RFTN1: variants seen among roughly 807,000 people sequenced by gnomAD.
The protein encoded by RFTN1 is raftlin, lipid raft linker 1, also known as raftlin.
Under a neutral mutation model 46.5 loss-of-function variants are expected in RFTN1, and 26 were observed. That is an observed-to-expected ratio of 0.56 (90% confidence interval 0.41 to 0.78). The LOEUF (loss-of-function observed/expected upper bound fraction) is 0.78. RFTN1 is among the 30% of genes least tolerant of loss of function. The pLI, the probability that RFTN1 is intolerant of heterozygous loss-of-function variation, is 0.00. For synonymous variants in RFTN1, 261 were observed against 284.2 expected (o/e 0.92, Z 0.82); for missense variants, 693 against 718.7 (o/e 0.96, Z 0.41).
At chr3:16,502,454 G>A (rs926338932) in intron 1 of RFTN1, among the ~76,000 whole-genome samples, 6 of 152,024 alleles carry the variant, frequency 3.9e-5, no homozygotes, top group Non-Finnish European at 8.8e-5. Flanking sequence ...CCTCCAGGAC[G>A]ACCCTCAGTG....
At chr3:16,493,231 G>A (rs549402474) in intron 2 of RFTN1, among the ~76,000 whole-genome samples, 2 of 129,446 alleles carry the variant, frequency 1.5e-5, no homozygotes, top group African/African-American at 5.8e-5. Context: ...ACTGTAATTC[G>A]TTGCTTTTTT....
chr3:16,391,865 T>G (rs1289752572), intron 4 of RFTN1, among the ~76,000 whole-genome samples: 1 of 21,232 alleles, frequency 4.7e-5, no homozygotes, highest in Non-Finnish European at 1.2e-4. Flanking sequence ...AAGGTTTTTT[T>G]TTTGTTTTTT....
At position 16,337,756 on chromosome 3, in the gene RFTN1, AAG is replaced by A. The variant is rs1415969558; in HGVS notation, c.1147-10882_1147-10881del. Among the ~76,000 whole-genome samples the A allele has an allele frequency of 1.4e-5, 2 of 147,734 alleles. No individual in the cohort carries two copies. Among genetic ancestry groups the A allele is most frequent in the African/African-American group, 5.1e-5 (2 of 39,192 alleles). On this transcript the variant is annotated intron_variant, in intron 7 of 9. Transcript: ENST00000334133. This position sits in a 1 kb window ranked among gnomAD's most constrained non-coding sequence, Gnocchi z 5.0. ...ACTCCATCTCAAAAAAAAAAAAAAA[AAG>A]AAAAGAAAGTCACCTCATTTGATTT...
At chr3:16,397,734 G>A (rs759370411) in intron 4 of RFTN1, among the ~76,000 whole-genome samples, 3 of 152,174 alleles carry the variant, frequency 2.0e-5, no homozygotes, top group East Asian at 1.9e-4. Context: ...TACATTTTCC[G>A]AAGTATGTGC....
chr3:16,318,109 A>C (rs1336034531), intron 9 of RFTN1, among the ~76,000 whole-genome samples: 1 of 152,156 alleles, frequency 6.6e-6, no homozygotes, highest in Non-Finnish European at 1.5e-5. Flanking sequence ...CGCGGCCAGT[A>C]ATAGAGTTGG....
At chr3:16,399,477 G>A (rs2125418843) in intron 4 of RFTN1, among the ~76,000 whole-genome samples, 1 of 152,272 alleles carries the variant, frequency 6.6e-6, no homozygotes, top group South Asian at 2.1e-4. Context: ...AGGGGTTAGT[G>A]GAAAGGGCTG....
Position 16,447,888 on chromosome 3 carries a change from G to C in RFTN1, c.146-13851C>G, listed in dbSNP as rs954535812. ...GGAGAAGTCTGGCCTTTGAGGTTAC[G>C]CATGAGGATCTGATAGGCATTTGTG... On this transcript the variant is annotated intron_variant, in intron 2 of 9. Transcript: ENST00000334133. This position sits in a 1 kb window ranked among gnomAD's most constrained non-coding sequence, Gnocchi z 5.9. Among the ~76,000 whole-genome samples the C allele has an allele frequency of 1.3e-5, 2 of 152,146 alleles. No homozygotes were observed. Among genetic ancestry groups the C allele is most frequent in the African/African-American group, 4.8e-5 (2 of 41,432 alleles).
intron 2 of RFTN1, among the ~76,000 whole-genome samples, chr3:16,491,426 AG>A: frequency 6.6e-6 from 1 of 152,334 alleles, no homozygotes; most frequent in East Asian, 1.9e-4. Context: ...CAGGATCTGT[AG>A]GAGGACGAGG....
intron 1 of RFTN1, among the ~76,000 whole-genome samples, chr3:16,501,636 T>TA (rs886695389): frequency 6.6e-6 from 1 of 152,234 alleles, no homozygotes; most frequent in African/African-American, 2.4e-5. Flanking sequence ...CCCCATTTTT[T>TA]ATCTCTACAC....
intron 4 of RFTN1, among the ~76,000 whole-genome samples, chr3:16,379,463 C>G (rs2435164): frequency 0.4 from 60,903 of 151,908 alleles, 13,066 homozygotes; most frequent in African/African-American, 0.55. Context: ...TTCAATGATG[C>G]TGCATGGTAT....
In RFTN1 at chr3:16,381,576, G is replaced by A. The variant is rs2073994989; in HGVS notation, c.442-3474C>T. Among the ~76,000 whole-genome samples the A allele has an allele frequency of 6.6e-6, 1 of 152,018 alleles. No individual in the cohort carries two copies. The highest frequency in any genetic ancestry group is 1.5e-5 in the Non-Finnish European group (1 of 67,990). ...CAATTTTTTTTTTCCAAAATGCCAT[G>A]CTAGACAAAACCTATTTGGGACCTA... is the stretch of plus-strand genomic sequence containing the variant. On this transcript the variant is annotated intron_variant, in intron 4 of 9. Transcript: ENST00000334133. The surrounding 1 kb of genome is among the most constrained non-coding windows in gnomAD (Gnocchi z 4.2).
chr3:16,426,966 G>T lies in RFTN1; in HGVS notation c.332+6885C>A, dbSNP rs937117536. Among the ~76,000 whole-genome samples, 1 of 152,120 alleles carries T rather than the reference G, an allele frequency of 6.6e-6. No individual in the cohort carries two copies. Among genetic ancestry groups the T allele is most frequent in the Non-Finnish European group, 1.5e-5 (1 of 68,024 alleles). ...GATTCAGCAAAGGGAGTGGAGGTGG[G>T]CAGACATCTAAAACACAATAACAGG... is the stretch of plus-strand genomic sequence containing the variant. On this transcript the variant is annotated intron_variant, in intron 3 of 9. Coordinates refer to ENST00000334133, the MANE Select transcript of RFTN1 (RefSeq NM_015150.2). This position sits in a 1 kb window ranked among gnomAD's most constrained non-coding sequence, Gnocchi z 5.9.
chr3:16,486,008 G>A (rs1057185293), intron 2 of RFTN1, among the ~76,000 whole-genome samples: 1 of 152,186 alleles, frequency 6.6e-6, no homozygotes. Flanking sequence ...TCAAGTGAGA[G>A]CATTATTGGA....
At chr3:16,364,838 A>G (rs76464787) in intron 6 of RFTN1, among the ~76,000 whole-genome samples, 22 of 152,368 alleles carry the variant, frequency 1.4e-4, no homozygotes, top group African/African-American at 5.0e-4. Context: ...ACTCATCAAC[A>G]GTGTTTCAAG....
rs2069174969 is a variant in RFTN1, at chr3:16,322,450, G to A, written c.1332+926C>T. 6.6e-6 allele frequency among the ~76,000 whole-genome samples: 1 copy of A among 152,216 alleles called. No homozygotes were observed. The highest frequency in any genetic ancestry group is 1.5e-5 in the Non-Finnish European group (1 of 68,034). On this transcript the variant is annotated intron_variant, in intron 9 of 9. Coordinates refer to ENST00000334133, the MANE Select transcript of RFTN1 (RefSeq NM_015150.2). This position sits in a 1 kb window ranked among gnomAD's most constrained non-coding sequence, Gnocchi z 6.2. Reference sequence around the variant, plus strand: ...CAAGCGTGAGGAATGCAGGAGTGATGCCAGGAGTGAGGAGCCGAGCAGGTC... The same window carrying A: ...CAAGCGTGAGGAATGCAGGAGTGATACCAGGAGTGAGGAGCCGAGCAGGTC...
chr3:16,318,059 G>A (rs1028723947), intron 9 of RFTN1, among the ~76,000 whole-genome samples: 19 of 152,264 alleles, frequency 1.2e-4, no homozygotes, highest in African/African-American at 3.6e-4. Flanking sequence ...AGCATTTCCT[G>A]GTGTGACAGG....
chr3:16,492,327 G>C (rs2076549516), intron 2 of RFTN1, among the ~76,000 whole-genome samples: 2 of 152,172 alleles, frequency 1.3e-5, no homozygotes, highest in South Asian at 4.1e-4. Context: ...AGGAGGAGGG[G>C]AGGAAGAGAA....
At chr3:16,471,737 T>C (rs1266962060) in intron 2 of RFTN1, among the ~76,000 whole-genome samples, 1 of 152,206 alleles carries the variant, frequency 6.6e-6, no homozygotes, top group Non-Finnish European at 1.5e-5. Context: ...ACACAAATTA[T>C]AGCTCTGTCA....
chr3:16,352,046 G>A lies in RFTN1; in HGVS notation c.1146+5886C>T, dbSNP rs2072139449. ...ACTCAACTCAAAAAGACTGGCAAATGGACATGTATTTACATACTTTACATT... is the reference window on the plus strand; with the variant it reads ...ACTCAACTCAAAAAGACTGGCAAATAGACATGTATTTACATACTTTACATT... On this transcript the variant is annotated intron_variant, in intron 7 of 9. Coordinates refer to ENST00000334133, the MANE Select transcript of RFTN1 (RefSeq NM_015150.2). This position sits in a 1 kb window ranked among gnomAD's most constrained non-coding sequence, Gnocchi z 4.6. Among the ~76,000 whole-genome samples the A allele has an allele frequency of 1.3e-5, 2 of 152,188 alleles. No individual in the cohort carries two copies. The highest frequency in any genetic ancestry group is 6.5e-5 in the Admixed American group (1 of 15,274).
Sources: allele counts gnomAD v4.1 joint callset (sites outside exome capture counted in the v4.1 genomes callset), GRCh38; gene constraint gnomAD v4.1.1; non-coding constraint Gnocchi (gnomAD v3.1); transcripts MANE v1.5; gene names NCBI Gene and HGNC (gene_info 2026-07-23, HGNC 2026-07-21).